FMC1: variants seen among roughly 807,000 people sequenced by gnomAD.
FMC1 encodes formation of mitochondrial complex V assembly factor 1, also known as protein FMC1 homolog.
A neutral mutation model predicts 10.5 loss-of-function variants in FMC1; 6 were observed. The ratio of observed to expected loss-of-function variants is 0.57; its 90% CI spans 0.31 to 1.12. The LOEUF (loss-of-function observed/expected upper bound fraction) is 1.12. FMC1 is among the 50% of genes most tolerant of loss of function. The pLI is 0.05. For missense variants in FMC1, 146 were observed against 151.7 expected, an observed-to-expected ratio of 0.96 and a Z score of 0.20; for synonymous variants, 59 against 62.1, an observed-to-expected ratio of 0.95 and a Z score of 0.24.
chr7:139,345,691 G>T lies in FMC1; in HGVS notation c.329G>T (p.Gly110Val), dbSNP rs372589266. 15 of 1,614,012 alleles carry T rather than the reference G, an allele frequency of 9.3e-6. No individual in the cohort carries two copies. The highest frequency in any genetic ancestry group is 4.0e-5 in the African/African-American group (3 of 75,024). ...TTGCCCCATCAGCCTGGAGGGAAGG[G>T]CTGGGAGCCATGAACATGGAGAATA... ...LKLPHQPGGK[G>V]WEP is the part of the protein sequence containing the mutation. Residue 110 changes from glycine (G) to valine (V), a missense_variant, in exon 2 of 2, where the codon GGC (glycine) becomes GTC (valine). Transcript: ENST00000297534.
chr7:139,341,251 C>A, upstream of FMC1: 2 of 1,421,304 alleles, frequency 1.4e-6, no homozygotes, highest in Non-Finnish European at 1.9e-6. Flanking sequence ...GACAAGTGAG[C>A]GGTTCCACTG....
upstream of FMC1, chr7:139,341,252 GGTTC>G (rs1798938771): frequency 2.1e-6 from 3 of 1,424,086 alleles, no homozygotes; most frequent in Admixed American, 2.4e-5. Context: ...ACAAGTGAGC[GGTTC>G]CACTGCTCGT....
intron 1 of FMC1, 120 bp downstream of exon 1, chr7:139,341,642 G>T: frequency 6.8e-7 from 1 of 1,462,468 alleles, no homozygotes; most frequent in South Asian, 1.3e-5. Flanking sequence ...CTCCCACGGA[G>T]CCCTGGTTCT....
rs564493279 is a variant in FMC1 at position 139,346,241 on chromosome 7, CAA to C, written c.*552_*553del. The stretch of plus-strand genomic sequence containing the variant: ...GGGCAACAAGAGCAAAACTCTGTCT[CAA>C]AAAAAAAAAAAAAATTAGTATAAGC... On this transcript the variant is annotated 3_prime_UTR_variant, in exon 2 of 2. Transcript: ENST00000297534. 6 of 123,976 alleles carry C rather than the reference CAA, an allele frequency of 4.8e-5. No individual in the cohort carries two copies. The highest frequency in any genetic ancestry group is 8.3e-5 in the Admixed American group (1 of 12,020). 7.7% of individuals were successfully genotyped at this position (123,976 alleles called of 1,614,324 possible). A position where few individuals can be genotyped will look rare whatever the true frequency, so the allele number is the denominator to read the frequency against.
chr7:139,342,446 C>T (rs902807352), intron 1 of FMC1, among the ~76,000 whole-genome samples: 1 of 152,012 alleles, frequency 6.6e-6, no homozygotes, highest in Non-Finnish European at 1.5e-5. Flanking sequence ...GTGGTTTAGC[C>T]CTAAGGTGTG....
upstream of FMC1, among the ~76,000 whole-genome samples, chr7:139,340,960 A>G (rs1044738579): frequency 3.3e-5 from 5 of 152,118 alleles, no homozygotes; most frequent in African/African-American, 9.7e-5. Context: ...GGAGACGTCA[A>G]TACGTTGAAT....
At chr7:139,345,431 T>G in intron 1 of FMC1, 70 bp from the exon 2 acceptor site, 1 of 1,584,550 alleles carries the variant, frequency 6.3e-7, no homozygotes, top group Non-Finnish European at 8.6e-7. Flanking sequence ...GAATGCTTAT[T>G]TATTAAATCT....
chr7:139,341,399 G>T lies in FMC1; in HGVS notation c.15G>T (p.Gly5=), dbSNP rs752986208. 3.1e-6 allele frequency: 5 copies of T among 1,613,142 alleles called. No individual in the cohort carries two copies. The South Asian group carries it at 5.5e-5, about 18-fold the overall frequency. Residue 5 remains glycine (G), a synonymous_variant, in exon 1 of 2, where the codon GGG becomes GGT. Transcript: ENST00000297534. ...AGGACAGGACAATGGCGGCCTTAGGGTCCCCGTCGCACACTTTTCGAGGAC... is the reference window on the plus strand; with the variant it reads ...AGGACAGGACAATGGCGGCCTTAGGTTCCCCGTCGCACACTTTTCGAGGAC... MAAL[G]SPSHTFRGLL... is the part of the protein sequence containing the mutation.
rs1799236650 is a variant in FMC1 at position 139,345,648 on chromosome 7, G to T, written c.286G>T (p.Gly96Cys). 6.2e-7 allele frequency: 1 copy of T among 1,614,164 alleles called. No individual in the cohort carries two copies. The highest frequency in any genetic ancestry group is 8.5e-7 in the Non-Finnish European group (1 of 1,180,034). Residue 96 changes from glycine to cysteine, a missense_variant, in exon 2 of 2, where the codon GGC becomes TGC. Transcript: ENST00000297534. ...KGERSVEESA[G>C]LVGLKLPHQP... ...TGAGCGCTCGGTGGAGGAGTCTGCT[G>T]GCTTGGTGGGTCTCAAGTTGCCCCA...
At chr7:139,341,322 G>A, upstream of FMC1, 2 of 1,555,866 alleles carry the variant, frequency 1.3e-6, no homozygotes, top group African/African-American at 1.4e-5. Context: ...CGCCTGGGCC[G>A]GAGGAGGGGT....
At chr7:139,343,599 A>G (rs985464512) in intron 1 of FMC1, among the ~76,000 whole-genome samples, 1 of 152,162 alleles carries the variant, frequency 6.6e-6, no homozygotes, top group African/African-American at 2.4e-5. Flanking sequence ...GAAGCCACAC[A>G]CATTCTAGTT....
chr7:139,341,648 G>C, intron 1 of FMC1, 126 bp downstream of exon 1: 1 of 1,447,894 alleles, frequency 6.9e-7, no homozygotes, highest in South Asian at 1.4e-5. Context: ...CGGAGCCCTG[G>C]TTCTGACCAA....
At position 139,345,616 on chromosome 7, in the gene FMC1, G is replaced by A. The variant is rs750396218; in HGVS notation, c.254G>A (p.Gly85Asp). The change falls in exon 2 of 2, where the codon GGC becomes GAC. Residue 85 changes from glycine to aspartate, a missense_variant. Gly to Asp is a moderately conservative substitution (Grantham distance 94, BLOSUM62 -1). Coordinates refer to ENST00000297534, the MANE Select transcript of FMC1 (RefSeq NM_197964.5). ...KHVALHQEFH[G>D]KGERSVEESA... The stretch of plus-strand genomic sequence containing the variant: ...GTGGCCCTACATCAGGAATTTCATG[G>A]CAAGGGTGAGCGCTCGGTGGAGGAG... The A allele has an allele frequency of 1.2e-6, 2 of 1,614,132 alleles. No homozygotes were observed. Among genetic ancestry groups the A allele is most frequent in the Non-Finnish European group, 1.7e-6 (2 of 1,180,038 alleles).
chr7:139,340,709 G>C, upstream of FMC1: 1 of 390,380 alleles, frequency 2.6e-6, no homozygotes, highest in Non-Finnish European at 4.5e-6. Flanking sequence ...AGCCCCAGTG[G>C]CCTAATGGAT....
intron 1 of FMC1, 47 bp from the exon 2 acceptor site, chr7:139,345,454 C>T: frequency 1.2e-6 from 2 of 1,610,486 alleles, no homozygotes; most frequent in Non-Finnish European, 8.5e-7. Flanking sequence ...CTCTGTGGAC[C>T]TGTATCTCTA....
In FMC1 at chr7:139,341,456, C is replaced by T. The variant is rs769358474; in HGVS notation, c.72C>T (p.Ala24=). 6.2e-7 allele frequency: 1 copy of T among 1,613,684 alleles called. No homozygotes were observed. Among genetic ancestry groups the T allele is most frequent in the East Asian group, 2.2e-5 (1 of 44,876 alleles). ...GGGAGTTGCGCTACCTGAGCGCGGC[C>T]ACCGGCCGACCCTATCGCGACACCG... ...LLRELRYLSA[A]TGRPYRDTAA... The change falls in exon 1 of 2, where the codon GCC becomes GCT. Residue 24 remains alanine (A), a synonymous_variant. Transcript: ENST00000297534.
At chr7:139,341,665 C>G (rs890557520) in intron 1 of FMC1, 143 bp downstream of exon 1, 2 of 1,409,086 alleles carry the variant, frequency 1.4e-6, no homozygotes, top group Admixed American at 2.7e-5. Flanking sequence ...CCAAACCAAC[C>G]CAGGCCCTAG....
intron 1 of FMC1, among the ~76,000 whole-genome samples, chr7:139,341,723 G>C (rs901231476): frequency 1.3e-5 from 2 of 152,196 alleles, no homozygotes; most frequent in South Asian, 2.1e-4. Flanking sequence ...CAGCGGGGGG[G>C]GGCGCAGAGT....
upstream of FMC1, chr7:139,340,542 G>A (rs991081390): frequency 5.0e-6 from 2 of 398,258 alleles, no homozygotes; most frequent in African/African-American, 4.1e-5. Context: ...GCGGTGATGT[G>A]GACTTTTGTT....
Sources: allele counts gnomAD v4.1 joint callset (sites outside exome capture counted in the v4.1 genomes callset), GRCh38; gene constraint gnomAD v4.1.1; transcripts MANE v1.5; gene names NCBI Gene and HGNC (gene_info 2026-07-23, HGNC 2026-07-21).